MAST4: variants seen among roughly 807,000 people sequenced by gnomAD.
The protein encoded by MAST4 is microtubule-associated serine/threonine-protein kinase 4.
A neutral mutation model predicts 162.7 loss-of-function variants in MAST4; 89 were observed. The observed-to-expected ratio is 0.55, with a 90% CI of 0.46 to 0.65. The LOEUF is 0.65. MAST4 is among the 30% of genes least tolerant of loss of function. The pLI, the probability that MAST4 is intolerant of heterozygous loss-of-function variation, is 0.00. For missense variants in MAST4, 3,153 were observed against 3,374.0 expected (o/e 0.93, Z 1.62); for synonymous variants, 1,479 against 1,361.1 (o/e 1.09, Z -1.91).
chr5:66,843,446 C>T (rs1001277018), intron 3 of MAST4, among the ~76,000 whole-genome samples: 4 of 152,148 alleles, frequency 2.6e-5, no homozygotes, highest in African/African-American at 4.8e-5. Flanking sequence ...GAGCTATGGT[C>T]GCTTAACAGA....
Position 67,165,936 on chromosome 5 carries a change from A to C in MAST4, c.6757A>C (p.Thr2253Pro), listed in dbSNP as rs544017728. Reference sequence around the variant, plus strand: ...GAGTGGGCCGGATGTGTTTCCTGCTACCCCAGGCTCCCAGAACAAAGCCAG... The same window carrying C: ...GAGTGGGCCGGATGTGTTTCCTGCTCCCCCAGGCTCCCAGAACAAAGCCAG... ...SKSGPDVFPA[T>P]PGSQNKASDG... Residue 2253 changes from threonine to proline, a missense_variant, in exon 29 of 29, where the codon ACC (threonine) becomes CCC (proline). Thr to Pro is a conservative substitution (Grantham distance 38, BLOSUM62 -1). Around this residue, in one of 7 missense-constraint regions of MAST4, gnomAD observed 1,644 missense variants for 1,495.0 expected, o/e 1.10. Transcript: ENST00000403625. 2 of 1,613,304 alleles carry C rather than the reference A, an allele frequency of 1.2e-6. No individual in the cohort carries two copies. Among genetic ancestry groups the C allele is most frequent in the Middle Eastern group, 1.7e-4 (1 of 6,058 alleles).
chr5:66,638,294 C>T (rs1161488235), intron 1 of MAST4, among the ~76,000 whole-genome samples: 3 of 152,076 alleles, frequency 2.0e-5, no homozygotes, highest in Middle Eastern at 3.4e-3. Flanking sequence ...ACGCATGGTC[C>T]GGAGAGAATT....
At chr5:66,986,538 C>G (rs1462596435) in intron 4 of MAST4, 6 of 1,457,458 alleles carry the variant, frequency 4.1e-6, no homozygotes, top group Non-Finnish European at 5.5e-6. Flanking sequence ...GTTTCCTTTC[C>G]AGTACTTTCT....
rs569692074 is a variant in MAST4 at position 66,868,576 on chromosome 5, A to G, written c.643-31375A>G. 7.2e-5 allele frequency among the ~76,000 whole-genome samples: 11 copies of G among 151,824 alleles called. No homozygotes were observed. In the South Asian group the frequency reaches 2.3e-3, roughly 32 times the overall value. On this transcript the variant is annotated intron_variant, in intron 3 of 28. Coordinates refer to ENST00000403625, the MANE Select transcript of MAST4 (RefSeq NM_001164664.2). ...AGTTTAAGGTATCAGTCACATGGAG[A>G]AAAACTTGTGGTGAGCTGTTTACAG...
rs1759072567 is a variant in MAST4, at chr5:66,848,690, C to T, written c.643-51261C>T. Among the ~76,000 whole-genome samples the T allele has an allele frequency of 1.3e-5, 2 of 152,244 alleles. 1 individual carries two copies. Among genetic ancestry groups the T allele is most frequent in the African/African-American group, 4.8e-5 (2 of 41,546 alleles). ...TTAGGATGTATGGAACAGAAAATCCCGCCTAGTGATTTTTTAAAATTCTCT... is the reference window on the plus strand; with the variant it reads ...TTAGGATGTATGGAACAGAAAATCCTGCCTAGTGATTTTTTAAAATTCTCT... On this transcript the variant is annotated intron_variant, in intron 3 of 28. Transcript: ENST00000403625.
rs760516475 is a variant in MAST4 at position 67,163,533 on chromosome 5, C to T, written c.4354C>T (p.Pro1452Ser). The T allele has an allele frequency of 1.1e-5, 17 of 1,604,268 alleles. No individual in the cohort carries two copies. The South Asian group carries it at 1.8e-4, about 17-fold the overall frequency. Reference sequence around the variant, plus strand: ...CGTGCAGTCCGAGGAGAAGCTGTCGCCCTCTTACGGCAGTGACAAGAAGCA... The same window carrying T: ...CGTGCAGTCCGAGGAGAAGCTGTCGTCCTCTTACGGCAGTGACAAGAAGCA... ...KRVQSEEKLS[P>S]SYGSDKKHLC... The change falls in exon 29 of 29, where the codon CCC (proline) becomes TCC (serine). Residue 1452 changes from proline to serine, a missense_variant. Around this residue, in one of 7 missense-constraint regions of MAST4, gnomAD observed 619 missense variants for 744.2 expected, o/e 0.83. Coordinates refer to ENST00000403625, the MANE Select transcript of MAST4 (RefSeq NM_001164664.2). This position sits in a 1 kb window ranked among gnomAD's most constrained non-coding sequence, Gnocchi z 7.0.
At chr5:66,602,941 A>G (rs1742649437) in intron 1 of MAST4, among the ~76,000 whole-genome samples, 1 of 152,158 alleles carries the variant, frequency 6.6e-6, no homozygotes, top group Admixed American at 6.5e-5. Context: ...TATAAGGATT[A>G]ATGAGATGTT....
intron 1 of MAST4, among the ~76,000 whole-genome samples, chr5:66,699,090 T>C (rs545054865): frequency 6.6e-6 from 1 of 152,332 alleles, no homozygotes; most frequent in East Asian, 1.9e-4. Context: ...AGGCCCTATG[T>C]GATCCAGTCC....
chr5:66,827,504 A>G (rs1198567828), intron 3 of MAST4, among the ~76,000 whole-genome samples: 2 of 152,236 alleles, frequency 1.3e-5, no homozygotes, highest in East Asian at 1.9e-4. Flanking sequence ...GCTATTTTTA[A>G]TGACATAATC....
intron 4 of MAST4, among the ~76,000 whole-genome samples, chr5:66,983,868 A>C (rs551459913): frequency 6.6e-6 from 1 of 152,346 alleles, no homozygotes; most frequent in South Asian, 2.1e-4. Flanking sequence ...ATATTGTTCA[A>C]TTCAAACAGA....
At chr5:66,771,725 A>G (rs2149638371) in intron 2 of MAST4, among the ~76,000 whole-genome samples, 1 of 150,836 alleles carries the variant, frequency 6.6e-6, no homozygotes, top group South Asian at 2.1e-4. Flanking sequence ...TGTTCTTAAA[A>G]TTCCCTTTAG....
intron 2 of MAST4, 63 bp from the exon 3 acceptor site, chr5:66,788,607 C>CCCAACAAAAAAAA: frequency 1.5e-6 from 2 of 1,373,726 alleles, no homozygotes; most frequent in Non-Finnish European, 2.0e-6. Flanking sequence ...CCCCCACCCC[C>CCCAACAAAAAAAA]ATTGCAATAA....
At chr5:66,817,275 G>A (rs537119983) in intron 3 of MAST4, among the ~76,000 whole-genome samples, 2 of 152,280 alleles carry the variant, frequency 1.3e-5, no homozygotes, top group African/African-American at 2.4e-5. Context: ...TAAACAAATC[G>A]ATTCATGTAC....
At chr5:66,779,211 G>C (rs886783562) in intron 2 of MAST4, among the ~76,000 whole-genome samples, 4 of 152,170 alleles carry the variant, frequency 2.6e-5, no homozygotes, top group African/African-American at 9.7e-5. Flanking sequence ...TTAAGACCTT[G>C]ATGCCCTCTT....
chr5:67,136,769 TGTTA>T, intron 19 of MAST4, 105 bp downstream of exon 19: 2 of 772,448 alleles, frequency 2.6e-6, no homozygotes, highest in African/African-American at 1.7e-5. Context: ...AGGCAACATC[TGTTA>T]GTTGATGTAG....
chr5:67,149,831 G>A (rs1373418707), intron 24 of MAST4, among the ~76,000 whole-genome samples: 1 of 152,158 alleles, frequency 6.6e-6, no homozygotes, highest in Non-Finnish European at 1.5e-5. Context: ...TACAAGAGAG[G>A]CTTCCTTCCC....
intron 1 of MAST4, among the ~76,000 whole-genome samples, chr5:66,692,127 G>A (rs764840301): frequency 3.9e-5 from 6 of 152,078 alleles, no homozygotes; most frequent in Non-Finnish European, 7.4e-5. Flanking sequence ...TGCTTCTTGC[G>A]TTTTTGCACT....
At chr5:66,815,222 A>G (rs980555587) in intron 3 of MAST4, among the ~76,000 whole-genome samples, 3 of 152,344 alleles carry the variant, frequency 2.0e-5, no homozygotes, top group Middle Eastern at 3.4e-3. Context: ...CTTCTTTAGA[A>G]GCATATAAAG....
At chr5:67,133,740 A>G in intron 17 of MAST4, 94 bp downstream of exon 17, 2 of 1,370,512 alleles carry the variant, frequency 1.5e-6, no homozygotes, top group Non-Finnish European at 2.0e-6. Context: ...TCTTCACATT[A>G]GTGCTGGTGG....
Sources: allele counts gnomAD v4.1 joint callset (sites outside exome capture counted in the v4.1 genomes callset), GRCh38; gene constraint gnomAD v4.1.1; regional missense constraint gnomAD v4.1.1; non-coding constraint Gnocchi (gnomAD v3.1); transcripts MANE v1.5; gene names NCBI Gene and HGNC (gene_info 2026-07-23, HGNC 2026-07-21).